Variants in ATXN7 observed in about 807,000 individuals in gnomAD.
ATXN7 encodes the protein ataxin 7, also known as ataxin-7.
ATXN7 carries 12 observed loss-of-function variants against 70.5 expected under a neutral mutation model. That is an observed-to-expected ratio of 0.17 (90% CI 0.11 to 0.28). The LOEUF (loss-of-function observed/expected upper bound fraction) is 0.28, where lower values mean the gene tolerates loss of function less well. ATXN7 is among the 10% of genes least tolerant of loss of function. The pLI is 1.00. For missense variants in ATXN7, 1,256 were observed against 1,131.7 expected, an observed-to-expected ratio of 1.11 and a Z score of -1.58; for synonymous variants, 498 against 448.7, an observed-to-expected ratio of 1.11 and a Z score of -1.39.
At chr3:63,964,996 G>A (rs189433425) in intron 5 of ATXN7, among the ~76,000 whole-genome samples, 221 of 152,230 alleles carry the variant, frequency 1.5e-3, no homozygotes, top group Non-Finnish European at 2.5e-3. Flanking sequence ...CCAATGATAG[G>A]AACACAGTAT....
intron 11 of ATXN7, among the ~76,000 whole-genome samples, chr3:63,993,472 G>A (rs1434556109): frequency 2.0e-5 from 3 of 150,714 alleles, no homozygotes; most frequent in East Asian, 1.9e-4. Context: ...AAAGAAAAAC[G>A]AGTATAAAGA....
intron 1 of ATXN7, among the ~76,000 whole-genome samples, chr3:63,876,362 GT>G (rs749181136): frequency 1.3e-5 from 2 of 152,006 alleles, no homozygotes; most frequent in African/African-American, 4.8e-5. Context: ...TCCGTACCCT[GT>G]TTATTATTAT....
chr3:63,971,340 G>A (rs941027832), intron 5 of ATXN7, among the ~76,000 whole-genome samples: 10 of 152,144 alleles, frequency 6.6e-5, no homozygotes, highest in African/African-American at 1.7e-4. Flanking sequence ...CAGTCCCACC[G>A]ACTTGCTTCC....
At chr3:63,864,316 T>G (rs1312182484) in intron 1 of ATXN7, among the ~76,000 whole-genome samples, 158 bp downstream of exon 1, 108 of 112,442 alleles carry the variant, frequency 9.6e-4, no homozygotes, top group African/African-American at 1.1e-3. Flanking sequence ...CCCTGGGGGG[T>G]GGGGAGGGTG....
At chr3:63,897,714 T>G (rs1703489321) in intron 1 of ATXN7, among the ~76,000 whole-genome samples, 1 of 152,180 alleles carries the variant, frequency 6.6e-6, no homozygotes, top group South Asian at 2.1e-4. Flanking sequence ...TTGCCCATAT[T>G]TGTCGCTTTT....
At chr3:63,980,191 TA>T in intron 6 of ATXN7, 24 bp downstream of exon 6, 4 of 1,613,204 alleles carry the variant, frequency 2.5e-6, no homozygotes, top group South Asian at 1.1e-5. Flanking sequence ...AGAGGGTTTT[TA>T]AAGCTTACCT....
chr3:63,974,938 TTAA>T, intron 5 of ATXN7, among the ~76,000 whole-genome samples: 1 of 152,280 alleles, frequency 6.6e-6, no homozygotes, highest in East Asian at 1.9e-4. Context: ...TTGGGTGTGG[TTAA>T]TAATACACGT....
At chr3:63,971,502 T>C (rs2075311844) in intron 5 of ATXN7, among the ~76,000 whole-genome samples, 1 of 152,166 alleles carries the variant, frequency 6.6e-6, no homozygotes, top group Non-Finnish European at 1.5e-5. Flanking sequence ...CATGTTTGCT[T>C]GTCAGGCCAT....
chr3:63,891,032 CAG>C (rs1255734085), intron 1 of ATXN7, among the ~76,000 whole-genome samples: 2 of 152,014 alleles, frequency 1.3e-5, no homozygotes, highest in East Asian at 3.9e-4. Context: ...TATTTTGAGA[CAG>C]AGTCTTGCTC....
chr3:63,878,216 C>A (rs1179168066), intron 1 of ATXN7, among the ~76,000 whole-genome samples: 6 of 152,188 alleles, frequency 3.9e-5, no homozygotes, highest in African/African-American at 1.2e-4. Flanking sequence ...AGTGATACAA[C>A]TTGTTGGTAT....
rs193263041 is a variant in ATXN7, at chr3:63,895,751, T to C, written c.-110-2648T>C. ...TTTCTCCTTTTCTCTCTCTCTCTCT[T>C]TCTCTCTTTTCTGTCTCTCTCTTGT... is the stretch of plus-strand genomic sequence containing the variant. On this transcript the variant is annotated intron_variant, in intron 1 of 12. Transcript: ENST00000674280. Among the ~76,000 whole-genome samples, 1,062 of 151,606 alleles carry C rather than the reference T, an allele frequency of 7.0e-3. 13 individuals carry two copies. Among genetic ancestry groups the C allele is most frequent in the African/African-American group, 0.022 (912 of 41,360 alleles).
At chr3:63,932,501 A>G (rs1467225670) in intron 4 of ATXN7, among the ~76,000 whole-genome samples, 1 of 152,170 alleles carries the variant, frequency 6.6e-6, no homozygotes, top group East Asian at 1.9e-4. Context: ...TGATCTTTCT[A>G]ATACTCTCAT....
At chr3:63,973,235 C>G (rs1559651903) in intron 5 of ATXN7, among the ~76,000 whole-genome samples, 1 of 152,166 alleles carries the variant, frequency 6.6e-6, no homozygotes, top group Non-Finnish European at 1.5e-5. Context: ...GATTTGGATT[C>G]TATTCAGGCT....
intron 5 of ATXN7, among the ~76,000 whole-genome samples, chr3:63,972,972 T>C (rs1311447834): frequency 1.3e-5 from 2 of 152,202 alleles, no homozygotes; most frequent in African/African-American, 4.8e-5. Flanking sequence ...CTCTGTCTTA[T>C]GTGCTGATGT....
At chr3:63,959,889 G>C (rs946698393) in intron 5 of ATXN7, among the ~76,000 whole-genome samples, 1 of 152,016 alleles carries the variant, frequency 6.6e-6, no homozygotes, top group African/African-American at 2.4e-5. Context: ...ATTTACTGGT[G>C]CCTAATATAT....
intron 5 of ATXN7, among the ~76,000 whole-genome samples, chr3:63,954,293 A>G (rs1008504383): frequency 2.6e-5 from 4 of 152,214 alleles, no homozygotes; most frequent in Admixed American, 2.0e-4. Flanking sequence ...GCACTGAACA[A>G]CCATATTTGG....
intron 4 of ATXN7, among the ~76,000 whole-genome samples, chr3:63,914,104 G>T (rs1704165824): frequency 6.6e-6 from 1 of 152,168 alleles, no homozygotes; most frequent in Non-Finnish European, 1.5e-5. Flanking sequence ...CCGGAATACT[G>T]AGTTTATAGT....
At chr3:63,926,948 G>A (rs746704063) in intron 4 of ATXN7, among the ~76,000 whole-genome samples, 3 of 152,174 alleles carry the variant, frequency 2.0e-5, no homozygotes, top group Non-Finnish European at 4.4e-5. Context: ...AGTTGGCTAA[G>A]ACTGATGGCT....
chr3:63,943,506 G>A (rs530324360), intron 4 of ATXN7, among the ~76,000 whole-genome samples: 1 of 152,166 alleles, frequency 6.6e-6, no homozygotes, highest in African/African-American at 2.4e-5. Context: ...AAAATGGCTT[G>A]AATTTCCAAA....
Sources: allele counts gnomAD v4.1 joint callset (sites outside exome capture counted in the v4.1 genomes callset), GRCh38; gene constraint gnomAD v4.1.1; transcripts MANE v1.5; gene names NCBI Gene and HGNC (gene_info 2026-07-23, HGNC 2026-07-21).